The following FAM193A variants were observed in gnomAD, a reference collection of about 807,000 sequenced individuals.
FAM193A encodes protein FAM193A.
In FAM193A, 22 loss-of-function variants were observed where a neutral mutation model predicts 126.5. The observed-to-expected ratio is 0.17, with a 90% confidence interval of 0.12 to 0.25. The LOEUF is 0.25. FAM193A is among the 10% of genes least tolerant of loss of function. FAM193A has a pLI of 1.00. For missense variants in FAM193A, 1,675 were observed against 1,672.8 expected (o/e 1.00, Z -0.02); for synonymous variants, 761 against 646.8 (o/e 1.18, Z -2.68).
intron 1 of FAM193A, among the ~76,000 whole-genome samples, chr4:2,562,034 A>G (rs1738647263): frequency 6.6e-6 from 1 of 152,176 alleles, no homozygotes; most frequent in Non-Finnish European, 1.5e-5. Flanking sequence ...GGTCATCTGT[A>G]TGTGGTTGTG....
At chr4:2,689,999 G>A (rs370941700) in intron 14 of FAM193A, among the ~76,000 whole-genome samples, 44 of 152,366 alleles carry the variant, frequency 2.9e-4, no homozygotes, top group East Asian at 2.3e-3. Flanking sequence ...CGTGACCACG[G>A]TCGGGTGCCC....
chr4:2,598,612 T>G (rs1168505583), intron 2 of FAM193A, among the ~76,000 whole-genome samples: 1 of 152,214 alleles, frequency 6.6e-6, no homozygotes, highest in Non-Finnish European at 1.5e-5. Context: ...GTGTTAGAAT[T>G]GGTATTATCA....
In FAM193A at chr4:2,639,718, T is replaced by C; in HGVS notation, c.1039-17T>C. On this transcript the variant is annotated splice_polypyrimidine_tract_variant and intron_variant, in intron 5 of 20. Transcript: ENST00000637812. The stretch of plus-strand genomic sequence containing the variant: ...TTCACTACATCTTCTGTTTATCTTT[T>C]ACTTTTTCTTAACCAGGAAAATGAA... 6.2e-7 allele frequency: 1 copy of C among 1,603,984 alleles called. No individual in the cohort carries two copies. Among genetic ancestry groups the C allele is most frequent in the East Asian group, 2.2e-5 (1 of 44,746 alleles).
intron 1 of FAM193A, among the ~76,000 whole-genome samples, chr4:2,553,033 A>G (rs966732552): frequency 1.2e-4 from 18 of 151,682 alleles, no homozygotes; most frequent in African/African-American, 4.4e-4. Flanking sequence ...ATTTTAGTGG[A>G]GTCAGGGTTT....
At chr4:2,691,765 C>T (rs1211121472) in intron 15 of FAM193A, among the ~76,000 whole-genome samples, 1 of 135,262 alleles carries the variant, frequency 7.4e-6, no homozygotes. Context: ...CATAGTGAGA[C>T]CCCGTCTCTA....
intron 6 of FAM193A, among the ~76,000 whole-genome samples, chr4:2,640,955 A>G (rs913231916): frequency 5.9e-5 from 9 of 152,072 alleles, no homozygotes; most frequent in African/African-American, 1.4e-4. Flanking sequence ...ATAGAGCGAG[A>G]TGCTGTCTCG....
chr4:2,677,406 G>A (rs1356431477), intron 13 of FAM193A, among the ~76,000 whole-genome samples: 1 of 142,896 alleles, frequency 7.0e-6, no homozygotes, highest in Non-Finnish European at 1.5e-5. Context: ...TTTTTTTGTT[G>A]TTTTGTTTTG....
intron 1 of FAM193A, among the ~76,000 whole-genome samples, chr4:2,563,100 A>G (rs1738727110): frequency 6.6e-6 from 1 of 151,146 alleles, no homozygotes; most frequent in South Asian, 2.1e-4. Context: ...GCCTGCCACC[A>G]TGCCCAGCTA....
At chr4:2,582,591 TTTG>T (rs138190220) in intron 1 of FAM193A, among the ~76,000 whole-genome samples, 4,362 of 152,288 alleles carry the variant, frequency 0.029, 218 homozygotes, top group African/African-American at 0.099. Flanking sequence ...CAGGTGTTTT[TTTG>T]TTGTTGTTTT....
intron 14 of FAM193A, among the ~76,000 whole-genome samples, chr4:2,690,309 C>T (rs1716220802): frequency 6.6e-6 from 1 of 152,232 alleles, no homozygotes; most frequent in African/African-American, 2.4e-5. Flanking sequence ...CACCCAGCCC[C>T]TGCATGTGCC....
At chr4:2,673,206 A>G (rs951551682) in intron 13 of FAM193A, among the ~76,000 whole-genome samples, 1 of 152,170 alleles carries the variant, frequency 6.6e-6, no homozygotes, top group East Asian at 1.9e-4. Flanking sequence ...GGTAGCTCTA[A>G]TCAGTCAAAA....
chr4:2,595,936 G>A, intron 1 of FAM193A, 148 bp from the exon 2 acceptor site: 1 of 562,382 alleles, frequency 1.8e-6, no homozygotes, highest in South Asian at 2.4e-5. Flanking sequence ...TAGAACATTA[G>A]GTTTAGTTTT....
At chr4:2,594,397 C>T (rs1740733723) in intron 1 of FAM193A, among the ~76,000 whole-genome samples, 1 of 152,168 alleles carries the variant, frequency 6.6e-6, no homozygotes, top group Admixed American at 6.5e-5. Context: ...TCTAGCCGGC[C>T]TTGGAGAAGC....
intron 1 of FAM193A, among the ~76,000 whole-genome samples, chr4:2,556,860 A>G (rs1430452577): frequency 1.3e-5 from 2 of 152,184 alleles, no homozygotes; most frequent in African/African-American, 4.8e-5. Flanking sequence ...ACCATGTTAG[A>G]TAGAGCTTGA....
At chr4:2,718,665 T>A (rs1355665776) in intron 20 of FAM193A, among the ~76,000 whole-genome samples, 1 of 152,086 alleles carries the variant, frequency 6.6e-6, no homozygotes, top group Non-Finnish European at 1.5e-5. Context: ...AGGTGGAGGT[T>A]GCAGTGAGCC....
intron 20 of FAM193A, among the ~76,000 whole-genome samples, chr4:2,716,716 AC>A: frequency 6.6e-6 from 1 of 152,300 alleles, no homozygotes; most frequent in East Asian, 1.9e-4. Flanking sequence ...TCACTCTATC[AC>A]CCAGGCTGGA....
At chr4:2,539,646 A>G (rs953579919) in intron 1 of FAM193A, among the ~76,000 whole-genome samples, 1 of 151,780 alleles carries the variant, frequency 6.6e-6, no homozygotes, top group Non-Finnish European at 1.5e-5. Flanking sequence ...ACCTCAAGTG[A>G]TCCTCCCATC....
chr4:2,555,635 TGAGA>T lies in FAM193A; in HGVS notation c.255+18466_255+18469del, dbSNP rs199851059. Among the ~76,000 whole-genome samples the T allele has an allele frequency of 7.0e-3, 1,068 of 152,268 alleles. 16 individuals are homozygous for T. Among genetic ancestry groups the T allele is most frequent in the East Asian group, 0.047 (242 of 5,172 alleles). On this transcript the variant is annotated intron_variant, in intron 1 of 20. Transcript: ENST00000637812. ...TTTTTGTTTGTTTGTTTTTTGTTTTTGAGACAGAGTCTCGCTCTGTCACTCAGGC... is the reference window on the plus strand; with the variant it reads ...TTTTTGTTTGTTTGTTTTTTGTTTTTCAGAGTCTCGCTCTGTCACTCAGGC...
intron 2 of FAM193A, among the ~76,000 whole-genome samples, chr4:2,604,791 C>CTTTTTTTTTT (rs869148370): frequency 2.0e-5 from 2 of 99,636 alleles, no homozygotes; most frequent in African/African-American, 4.4e-5. Flanking sequence ...TTTCTTTTTC[C>CTTTTTTTTTT]TTTTTTTTTT....
Sources: allele counts gnomAD v4.1 joint callset (sites outside exome capture counted in the v4.1 genomes callset), GRCh38; gene constraint gnomAD v4.1.1; transcripts MANE v1.5; gene names NCBI Gene and HGNC (gene_info 2026-07-23, HGNC 2026-07-21).